MROH2A: variants seen among roughly 807,000 people sequenced by gnomAD.
MROH2A encodes the protein maestro heat-like repeat-containing protein family member 2A.
Under a neutral mutation model 200.4 loss-of-function variants are expected in MROH2A, and 174 were observed. The ratio of observed to expected loss-of-function variants is 0.87; its 90% CI spans 0.77 to 0.98. The LOEUF (loss-of-function observed/expected upper bound fraction) is 0.98, where lower values mean the gene tolerates loss of function less well. Among genes scored for constraint, MROH2A ranks in the 50% least tolerant of loss-of-function variants. MROH2A has a pLI of 0.00. For synonymous variants in MROH2A, 829 were observed against 840.4 expected, an observed-to-expected ratio of 0.99 and a Z score of 0.23; for missense variants, 2,045 against 2,139.6, an observed-to-expected ratio of 0.96 and a Z score of 0.87.
intron 5 of MROH2A, 80 bp from the exon 6 acceptor site, chr2:233,792,716 G>A: frequency 1.2e-6 from 1 of 856,724 alleles, no homozygotes; most frequent in Non-Finnish European, 1.9e-6. Flanking sequence ...GAGGTGGAGG[G>A]CAGCAGGGTT....
chr2:233,817,021 T>C, intron 27 of MROH2A, 136 bp downstream of exon 27: 1 of 587,564 alleles, frequency 1.7e-6, no homozygotes, highest in Non-Finnish European at 3.0e-6. Context: ...GAGGCTGCAG[T>C]GACCTAGTGC....
intron 3 of MROH2A, 98 bp downstream of exon 3, chr2:233,779,950 G>A (rs1700868322): frequency 9.6e-7 from 1 of 1,038,622 alleles, no homozygotes; most frequent in Non-Finnish European, 1.4e-6. Flanking sequence ...GATGTGATGT[G>A]TGGTACTGGG....
At chr2:233,794,530 T>C (rs971810852) in intron 8 of MROH2A, 24 bp downstream of exon 8, 5 of 1,324,284 alleles carry the variant, frequency 3.8e-6, no homozygotes, top group African/African-American at 2.9e-5. Context: ...CAGCCACGGC[T>C]CTGGGCAGGA....
chr2:233,781,315 A>G (rs1204840083), intron 3 of MROH2A, among the ~76,000 whole-genome samples: 2 of 152,136 alleles, frequency 1.3e-5, no homozygotes, highest in Non-Finnish European at 2.9e-5. Context: ...ACCTCCATAG[A>G]GTTTTCCATA....
intron 34 of MROH2A, 72 bp from the exon 35 acceptor site, chr2:233,823,484 T>C: frequency 6.6e-7 from 1 of 1,506,762 alleles, no homozygotes; most frequent in Non-Finnish European, 8.9e-7. Context: ...GATGTGGCCC[T>C]GCCCAGCTCT....
chr2:233,828,674 G>A lies in MROH2A; in HGVS notation c.4158G>A (p.Pro1386=), dbSNP rs199594486. Residue 1386 remains proline (P), a synonymous_variant, in exon 36 of 42, where the codon CCG becomes CCA. Transcript: ENST00000389758. The surrounding 1 kb of genome is among the most constrained non-coding windows in gnomAD (Gnocchi z 4.6). ...TGTACCAGGAGAAGCTGCTGAAGCC[G>A]GCAGCTTTGCTGCTGGAGAAGGGTG... is the stretch of plus-strand genomic sequence containing the variant. The part of the protein sequence containing the change: ...PVLYQEKLLK[P]AALLLEKGAD... 9 of 1,550,732 alleles carry A rather than the reference G, an allele frequency of 5.8e-6. No homozygotes were observed. Among genetic ancestry groups the A allele is most frequent in the Middle Eastern group, 1.7e-4 (1 of 5,986 alleles).
chr2:233,815,909 C>G (rs754440354), intron 26 of MROH2A, among the ~76,000 whole-genome samples: 13 of 120,058 alleles, frequency 1.1e-4, no homozygotes, highest in Non-Finnish European at 2.0e-4. Context: ...AATTTTATTT[C>G]GGTTCGAAAC....
Position 233,805,109 on chromosome 2 carries a change from A to G in MROH2A, c.2050A>G (p.Lys684Glu). 1 of 1,547,526 alleles carries G rather than the reference A, an allele frequency of 6.5e-7. No individual in the cohort carries two copies. Among genetic ancestry groups the G allele is most frequent in the South Asian group, 1.2e-5 (1 of 83,990 alleles). The change falls in exon 19 of 42, where the codon AAG becomes GAG. Residue 684 changes from lysine to glutamate, a missense_variant and splice_region_variant. Coordinates refer to ENST00000389758, the MANE Select transcript of MROH2A (RefSeq NM_001394639.1). The part of the protein sequence containing the change: ...IASFDSPSLE[K>E]GFLYRALGFT... ...GAGCTTTGACAGCCCCTCTCTGGAGAAGGTTTGTCTTCATAGGGACAGGAG... is the reference window on the plus strand; with the variant it reads ...GAGCTTTGACAGCCCCTCTCTGGAGGAGGTTTGTCTTCATAGGGACAGGAG...
chr2:233,803,259 A>G (rs1436389951), intron 15 of MROH2A, among the ~76,000 whole-genome samples, 189 bp from the exon 16 acceptor site: 1 of 152,214 alleles, frequency 6.6e-6, no homozygotes, highest in Non-Finnish European at 1.5e-5. Flanking sequence ...CCCTCTTCCC[A>G]GGATAAGTGA....
At chr2:233,779,602 C>G in intron 2 of MROH2A, 69 bp from the exon 3 acceptor site, 8 of 1,512,304 alleles carry the variant, frequency 5.3e-6, no homozygotes, top group Non-Finnish European at 7.2e-6. Context: ...GAGGCAAGGC[C>G]AGGGACACAA....
Position 233,817,991 on chromosome 2 carries a change from C to T in MROH2A, c.2962-11C>T. 6.4e-7 allele frequency: 1 copy of T among 1,550,800 alleles called. No homozygotes were observed. The highest frequency in any genetic ancestry group is 8.7e-7 in the Non-Finnish European group (1 of 1,147,022). On this transcript the variant is annotated splice_polypyrimidine_tract_variant and intron_variant, in intron 27 of 41. Transcript: ENST00000389758. Reference sequence around the variant, plus strand: ...ACAGAGGTGTGAGCCCCACGGTCTCCTGTCCCTCAGATCCACCTAAAGCTG... The same window carrying T: ...ACAGAGGTGTGAGCCCCACGGTCTCTTGTCCCTCAGATCCACCTAAAGCTG...
chr2:233,776,354 CTTT>C (rs10568441), upstream of MROH2A, among the ~76,000 whole-genome samples: 7,295 of 111,326 alleles, frequency 0.066, 663 homozygotes, highest in African/African-American at 0.22. Flanking sequence ...AATGTATTTA[CTTT>C]TTTTTTTTTT....
chr2:233,784,336 T>G (rs1416878090), intron 3 of MROH2A, among the ~76,000 whole-genome samples: 1 of 152,204 alleles, frequency 6.6e-6, no homozygotes, highest in African/African-American at 2.4e-5. Context: ...TTTCTATGTG[T>G]TTGTGTATTT....
At chr2:233,798,245 G>T (rs1052256051) in intron 11 of MROH2A, among the ~76,000 whole-genome samples, 1 of 152,156 alleles carries the variant, frequency 6.6e-6, no homozygotes, top group African/African-American at 2.4e-5. Flanking sequence ...CAGCCCTTAC[G>T]GTGTGCCAGA....
In MROH2A at chr2:233,803,434, T is replaced by G; in HGVS notation, c.1709-14T>G. 6.4e-7 allele frequency: 1 copy of G among 1,550,474 alleles called. No individual in the cohort carries two copies. Among genetic ancestry groups the G allele is most frequent in the South Asian group, 1.2e-5 (1 of 84,058 alleles). On this transcript the variant is annotated splice_polypyrimidine_tract_variant and intron_variant, in intron 15 of 41. Transcript: ENST00000389758. ...CCAGGAAGGCTCAGCTGGGGTTGCATTTCCTTCAATCAGTGGACCTGCCTG... is the reference window on the plus strand; with the variant it reads ...CCAGGAAGGCTCAGCTGGGGTTGCAGTTCCTTCAATCAGTGGACCTGCCTG...
In MROH2A at chr2:233,807,552, C is replaced by T; in HGVS notation, c.2172+10C>T. On this transcript the variant is annotated intron_variant, in intron 20 of 41. Transcript: ENST00000389758. This position sits in a 1 kb window ranked among gnomAD's most constrained non-coding sequence, Gnocchi z 4.3. Reference sequence around the variant, plus strand: ...TGACTTTGACAGCGAGGTGAGGGTGCCTGCAGCCTCCTCCTGTCCACCAGA... The same window carrying T: ...TGACTTTGACAGCGAGGTGAGGGTGTCTGCAGCCTCCTCCTGTCCACCAGA... The T allele has an allele frequency of 6.5e-7, 1 of 1,550,120 alleles. No homozygotes were observed. Among genetic ancestry groups the T allele is most frequent in the Non-Finnish European group, 8.7e-7 (1 of 1,146,832 alleles).
intron 30 of MROH2A, 113 bp downstream of exon 30, chr2:233,819,582 A>G (rs1703794708): frequency 1.8e-6 from 2 of 1,138,110 alleles, no homozygotes; most frequent in Non-Finnish European, 2.4e-6. Flanking sequence ...GCCTCCCCCA[A>G]CCCCTGGCTG....
At chr2:233,783,315 T>A (rs1701035733) in intron 3 of MROH2A, among the ~76,000 whole-genome samples, 1 of 152,182 alleles carries the variant, frequency 6.6e-6, no homozygotes, top group Non-Finnish European at 1.5e-5. Flanking sequence ...TTATTTAATG[T>A]TTGGTAGAAT....
At chr2:233,817,972 G>A in intron 27 of MROH2A, 30 bp from the exon 28 acceptor site, 1 of 1,550,420 alleles carries the variant, frequency 6.4e-7, no homozygotes, top group South Asian at 1.2e-5. Flanking sequence ...GAGCACAGAG[G>A]TGTGAGCCCC....
Sources: gnomAD v4.1 joint callset for allele counts (sites outside exome capture counted in the v4.1 genomes callset) on GRCh38, gnomAD v4.1.1 for gene constraint, Gnocchi (gnomAD v3.1) non-coding constraint, MANE v1.5 for transcripts, NCBI Gene and HGNC (gene_info 2026-07-23, HGNC 2026-07-21) for gene names.